FBXO21: variants seen among roughly 807,000 people sequenced by gnomAD.
FBXO21 encodes F-box only protein 21.
In FBXO21, 32 loss-of-function variants were observed where a neutral mutation model predicts 76.6. The observed-to-expected ratio is 0.42, with a 90% confidence interval of 0.32 to 0.56. The LOEUF (loss-of-function observed/expected upper bound fraction) is 0.56. Among genes scored for constraint, FBXO21 ranks in the 20% least tolerant of loss-of-function variants. FBXO21 has a pLI of 0.16. For synonymous variants in FBXO21, 328 were observed against 311.5 expected (o/e 1.05, Z -0.56); for missense variants, 586 against 797.3 (o/e 0.73, Z 3.19).
At position 117,179,733 on chromosome 12, in the gene FBXO21, ATCTGT is replaced by A. The variant is rs371300561; in HGVS notation, c.471-2097_471-2093del. 6.6e-5 allele frequency among the ~76,000 whole-genome samples: 10 copies of A among 152,234 alleles called. No individual in the cohort carries two copies. The East Asian group carries it at 1.2e-3, about 18-fold the overall frequency. On this transcript the variant is annotated intron_variant, in intron 3 of 11. Transcript: ENST00000622495. Reference sequence around the variant, plus strand: ...AGCAGCACTGCTACTCAATGTCTTGATCTGTTCATTCATTTGAGGTTACGAAGTGG... The same window carrying A: ...AGCAGCACTGCTACTCAATGTCTTGATCATTCATTTGAGGTTACGAAGTGG...
At position 117,186,541 on chromosome 12, in the gene FBXO21, T is replaced by G. The variant is rs1956285137; in HGVS notation, c.406A>C (p.Asn136His). 1 of 1,613,130 alleles carries G rather than the reference T, an allele frequency of 6.2e-7. No homozygotes were observed. Among genetic ancestry groups the G allele is most frequent in the Non-Finnish European group, 8.5e-7 (1 of 1,179,626 alleles). The change falls in exon 3 of 12, where the codon AAC (asparagine) becomes CAC (histidine). Residue 136 changes from asparagine (N) to histidine (H), a missense_variant. By Grantham distance (68) the Asn-to-His change is moderately conservative. Transcript: ENST00000622495. ...VPCNGFSDIENLEGPEIFFED... is the reference protein window; with the variant it reads ...VPCNGFSDIEHLEGPEIFFED... The stretch of plus-strand genomic sequence containing the variant: ...AAAAAAATCTCTGGTCCTTCAAGGT[T>G]CTCAATGTCACTGAAGCCATTACAA...
chr12:117,177,632 C>A lies in FBXO21; in HGVS notation c.480G>T (p.Leu160Phe). ...TTTTTTTTGCGTAGTATTTCCAGGT[C>A]AAAGCTTTTCTGGAAACAAAAAGTC... ...CILNMEGRKALTWKYYAKKIL... is the reference protein window; with the variant it reads ...CILNMEGRKAFTWKYYAKKIL... Residue 160 changes from leucine to phenylalanine, a missense_variant, in exon 4 of 12, where the codon TTG becomes TTT. This residue lies in a region of FBXO21 where 246 missense variants were observed against 356.8 expected (regional missense o/e 0.69). Coordinates refer to ENST00000622495, the MANE Select transcript of FBXO21 (RefSeq NM_015002.3). The A allele has an allele frequency of 6.2e-7, 1 of 1,611,622 alleles. No homozygotes were observed. Among genetic ancestry groups the A allele is most frequent in the South Asian group, 1.1e-5 (1 of 90,466 alleles).
chr12:117,181,234 T>C (rs1230058499), intron 3 of FBXO21, among the ~76,000 whole-genome samples: 2 of 152,198 alleles, frequency 1.3e-5, no homozygotes, highest in Non-Finnish European at 2.9e-5. Flanking sequence ...GTTAAGTTGT[T>C]AAGTTTCTGT....
intron 9 of FBXO21, among the ~76,000 whole-genome samples, chr12:117,164,982 T>TA (rs926874253): frequency 4.6e-5 from 7 of 152,310 alleles, no homozygotes; most frequent in Non-Finnish European, 1.0e-4. Context: ...AGGGGGCCAT[T>TA]AAAAAACTGA....
rs577383626 is a variant in FBXO21, at chr12:117,189,209, A to T, written c.375+18T>A. ...CACCAGCAAGCCAAAGCTTAGAGCC[A>T]CATCAACAGATCCTTACGTGCTCTG... On this transcript the variant is annotated intron_variant, in intron 2 of 11. Coordinates refer to ENST00000622495, the MANE Select transcript of FBXO21 (RefSeq NM_015002.3). The T allele has an allele frequency of 5.0e-6, 8 of 1,614,074 alleles. No homozygotes were observed. The Admixed American group carries it at 1.3e-4, about 27-fold the overall frequency.
chr12:117,157,371 T>C (rs1955928758), intron 10 of FBXO21, among the ~76,000 whole-genome samples: 2 of 152,274 alleles, frequency 1.3e-5, no homozygotes, highest in African/African-American at 4.8e-5. Flanking sequence ...AGTACACTTT[T>C]AAAGGTCTGG....
At chr12:117,154,761 A>G (rs1955890890) in intron 11 of FBXO21, among the ~76,000 whole-genome samples, 1 of 152,182 alleles carries the variant, frequency 6.6e-6, no homozygotes, top group Admixed American at 6.5e-5. Flanking sequence ...TCACCTGGCA[A>G]TCTCCAGCCT....
chr12:117,158,191 T>A, intron 9 of FBXO21, 128 bp from the exon 10 acceptor site: 1 of 1,024,864 alleles, frequency 9.8e-7, no homozygotes, highest in Non-Finnish European at 1.5e-6. Context: ...GGCTATGCCC[T>A]GATCGAACCG....
At chr12:117,171,613 C>G (rs1956119473) in intron 7 of FBXO21, among the ~76,000 whole-genome samples, 1 of 152,056 alleles carries the variant, frequency 6.6e-6, no homozygotes, top group Admixed American at 6.6e-5. Flanking sequence ...AAACATTAAT[C>G]CATTTTACCA....
At chr12:117,152,919 C>T (rs894291583) in intron 11 of FBXO21, among the ~76,000 whole-genome samples, 9 of 151,982 alleles carry the variant, frequency 5.9e-5, no homozygotes, top group East Asian at 1.9e-4. Flanking sequence ...AACTGTTCCA[C>T]GTGCGAGCAA....
chr12:117,155,985 C>T (rs1397879068), intron 10 of FBXO21, 37 bp from the exon 11 acceptor site: 1 of 1,602,018 alleles, frequency 6.2e-7, no homozygotes, highest in Admixed American at 1.7e-5. Context: ...TCCCTGCAGA[C>T]CCGGCCGCAA....
At chr12:117,147,693 C>A (rs1292211333) in intron 11 of FBXO21, among the ~76,000 whole-genome samples, 1 of 152,190 alleles carries the variant, frequency 6.6e-6, no homozygotes. Flanking sequence ...GGCTCCTCCA[C>A]AGGGCCAGTT....
In FBXO21 at chr12:117,143,310, C is replaced by G. The variant is rs1013672969; in HGVS notation, c.*2777G>C. ...TCACGACGCACAGTACTGTGCGTCA[C>G]AGGTATTGAGAAACACCACCATAGA... On this transcript the variant is annotated 3_prime_UTR_variant, in exon 12 of 12. Coordinates refer to ENST00000622495, the MANE Select transcript of FBXO21 (RefSeq NM_015002.3). The G allele has an allele frequency of 8.5e-5, 13 of 152,290 alleles. No individual in the cohort carries two copies. Among genetic ancestry groups the G allele is most frequent in the Middle Eastern group, 3.4e-3 (1 of 294 alleles). The allele number at this position is 152,290 out of a possible 1,614,324, so 9.4% of individuals were successfully genotyped here.
chr12:117,165,941 C>G (rs4767512), intron 8 of FBXO21, among the ~76,000 whole-genome samples: 79,837 of 151,968 alleles, frequency 0.53, 21,125 homozygotes, highest in Admixed American at 0.63. Flanking sequence ...TGTAATCCCA[C>G]CACTTTGGGA....
intron 11 of FBXO21, among the ~76,000 whole-genome samples, chr12:117,146,830 T>A (rs1955776507): frequency 6.6e-6 from 1 of 152,096 alleles, no homozygotes; most frequent in Admixed American, 6.5e-5. Context: ...GACCGTGGGA[T>A]GAAAGGAAGG....
chr12:117,159,624 A>C (rs1420825982), intron 9 of FBXO21, among the ~76,000 whole-genome samples: 2 of 152,180 alleles, frequency 1.3e-5, no homozygotes, highest in African/African-American at 2.4e-5. Flanking sequence ...GGGTGCTTTT[A>C]ATTGTGGGAC....
chr12:117,146,151 A>G lies in FBXO21; in HGVS notation c.1802T>C (p.Leu601Pro). The change falls in exon 12 of 12, where the codon CTG (leucine) becomes CCG (proline). Residue 601 changes from leucine (L) to proline (P), a missense_variant. Physicochemically the swap from Leu to Pro is moderately conservative, Grantham distance 98 (BLOSUM62 -3). This residue lies in a region of FBXO21 where 164 missense variants were observed against 236.7 expected (regional missense o/e 0.69). Transcript: ENST00000622495. Reference sequence around the variant, plus strand: ...CTGCACCGTTTCATAGACAAACTCCAGATCTTCTGGATACCGGATCTCCAG... The same window carrying G: ...CTGCACCGTTTCATAGACAAACTCCGGATCTTCTGGATACCGGATCTCCAG... ...AELEIRYPED[L>P]EFVYETVQNI... 1 of 1,613,974 alleles carries G rather than the reference A, an allele frequency of 6.2e-7. No homozygotes were observed. The highest frequency in any genetic ancestry group is 1.3e-5 in the African/African-American group (1 of 75,058).
Position 117,155,815 on chromosome 12 carries a change from C to T in FBXO21, c.1651G>A (p.Gly551Ser). 1.2e-6 allele frequency: 2 copies of T among 1,613,946 alleles called. No homozygotes were observed. Among genetic ancestry groups the T allele is most frequent in the South Asian group, 1.1e-5 (1 of 91,034 alleles). The change falls in exon 11 of 12, where the codon GGC becomes AGC. Residue 551 changes from glycine (G) to serine (S), a missense_variant. By Grantham distance (56) the Gly-to-Ser change is moderately conservative. Around this residue, in one of 6 missense-constraint regions of FBXO21, gnomAD observed 164 missense variants for 236.7 expected, o/e 0.69. Transcript: ENST00000622495. ...QPFYNVLVED[G>S]SCRYAAQENL... ...CCTTGGGCTGCGTATCGACAGGAGC[C>T]GTCCTCCACCAGCACGTTATAGAAA...
intron 11 of FBXO21, among the ~76,000 whole-genome samples, chr12:117,153,494 G>T (rs1034286699): frequency 2.6e-5 from 4 of 152,250 alleles, no homozygotes; most frequent in African/African-American, 9.6e-5. Context: ...TGTTACAGAG[G>T]TGGGCACGGA....
Sources: allele counts gnomAD v4.1 joint callset (sites outside exome capture counted in the v4.1 genomes callset), GRCh38; gene constraint gnomAD v4.1.1; regional missense constraint gnomAD v4.1.1; transcripts MANE v1.5; gene names NCBI Gene and HGNC (gene_info 2026-07-23, HGNC 2026-07-21).